The following VPS13B variants were observed in gnomAD, a reference collection of about 807,000 sequenced individuals.
VPS13B encodes the protein intermembrane lipid transfer protein VPS13B.
A neutral mutation model predicts 426.4 loss-of-function variants in VPS13B; 285 were observed. That is an observed-to-expected ratio of 0.67 (90% CI 0.61 to 0.74). The LOEUF is 0.74. Among genes scored for constraint, VPS13B ranks in the 30% least tolerant of loss-of-function variants. VPS13B has a pLI of 0.00. For missense variants in VPS13B, 4,537 were observed against 4,782.6 expected (o/e 0.95, Z 1.51); for synonymous variants, 1,676 against 1,676.4 (o/e 1.00, Z 0.01).
chr8:99,091,406 C>T (rs1169205970), intron 3 of VPS13B, among the ~76,000 whole-genome samples: 4 of 152,000 alleles, frequency 2.6e-5, no homozygotes, highest in Admixed American at 1.3e-4. Context: ...TTTCTTTTTC[C>T]TTTTTCCAGC....
chr8:99,181,470 C>T (rs1038491116), intron 16 of VPS13B, among the ~76,000 whole-genome samples: 1 of 152,148 alleles, frequency 6.6e-6, no homozygotes, highest in African/African-American at 2.4e-5. Context: ...TAGGCTCTGC[C>T]ACTTCCTAGC....
At chr8:99,122,876 G>A (rs1848011335) in intron 8 of VPS13B, among the ~76,000 whole-genome samples, 1 of 152,104 alleles carries the variant, frequency 6.6e-6, no homozygotes, top group African/African-American at 2.4e-5. Flanking sequence ...ATTTTGGGAG[G>A]CCGAGGCGGC....
At chr8:99,594,442 T>A (rs185645083) in intron 33 of VPS13B, among the ~76,000 whole-genome samples, 1 of 152,136 alleles carries the variant, frequency 6.6e-6, no homozygotes, top group African/African-American at 2.4e-5. Context: ...AAGAACTCAA[T>A]AAAAGCCATC....
intron 22 of VPS13B, among the ~76,000 whole-genome samples, chr8:99,434,746 C>T (rs1817286271): frequency 2.0e-5 from 3 of 152,126 alleles, no homozygotes; most frequent in Admixed American, 2.0e-4. Context: ...GAAAGTATGG[C>T]TTGTCGTTCT....
At chr8:99,808,916 C>T (rs1813552437) in intron 43 of VPS13B, among the ~76,000 whole-genome samples, 1 of 151,686 alleles carries the variant, frequency 6.6e-6, no homozygotes, top group South Asian at 2.1e-4. Context: ...CTTCAAACTG[C>T]TATTTTGTTC....
intron 39 of VPS13B, among the ~76,000 whole-genome samples, chr8:99,734,365 T>A (rs1388020206): frequency 6.6e-6 from 1 of 152,196 alleles, no homozygotes; most frequent in Non-Finnish European, 1.5e-5. Flanking sequence ...GACCAAAAGA[T>A]GATGATGATG....
At position 99,689,338 on chromosome 8, in the gene VPS13B, A is replaced by G. The variant is rs151131383; in HGVS notation, c.6047-10187A>G. Among the ~76,000 whole-genome samples, 224 of 152,352 alleles carry G rather than the reference A, an allele frequency of 1.5e-3. 6 individuals are homozygous for G. Among genetic ancestry groups the G allele is most frequent in the African/African-American group, 5.1e-3 (214 of 41,584 alleles). ...AGAATATTAAAATATAGGACAGTCC[A>G]GGAGCTCACAGCTCACTGAACTATG... On this transcript the variant is annotated intron_variant, in intron 35 of 61. Transcript: ENST00000357162.
At chr8:99,427,701 G>C (rs1456024920) in intron 21 of VPS13B, among the ~76,000 whole-genome samples, 1 of 151,656 alleles carries the variant, frequency 6.6e-6, no homozygotes, top group African/African-American at 2.4e-5. Context: ...CGTGAAAATG[G>C]CCATACTGCC....
intron 19 of VPS13B, among the ~76,000 whole-genome samples, chr8:99,309,659 A>T (rs958547836): frequency 1.5e-4 from 23 of 152,178 alleles, no homozygotes; most frequent in African/African-American, 5.5e-4. Context: ...CGTCTTGGCA[A>T]TGCGGGCCCT....
chr8:99,339,603 C>T lies in VPS13B; in HGVS notation c.2825-44605C>T, dbSNP rs527269169. On this transcript the variant is annotated intron_variant, in intron 19 of 61. Coordinates refer to ENST00000357162, the MANE Select transcript of VPS13B (RefSeq NM_152564.5). ...TTGGTGGAGACACAGATCCAAACCACGTCAGTTTTTTTTTTTTTCCAGTTT... is the reference window on the plus strand; with the variant it reads ...TTGGTGGAGACACAGATCCAAACCATGTCAGTTTTTTTTTTTTTCCAGTTT... 3.3e-5 allele frequency among the ~76,000 whole-genome samples: 5 copies of T among 150,896 alleles called. No individual in the cohort carries two copies. The East Asian group carries it at 5.8e-4, about 18-fold the overall frequency.
At chr8:99,716,533 A>G (rs1832929944) in intron 36 of VPS13B, among the ~76,000 whole-genome samples, 1 of 152,202 alleles carries the variant, frequency 6.6e-6, no homozygotes, top group South Asian at 2.1e-4. Flanking sequence ...AGTTCAAAAG[A>G]AAGCCTACAT....
At chr8:99,812,052 A>G (rs2130793530) in intron 44 of VPS13B, among the ~76,000 whole-genome samples, 1 of 152,332 alleles carries the variant, frequency 6.6e-6, no homozygotes, top group East Asian at 1.9e-4. Flanking sequence ...ATTAATATAT[A>G]CAGTGTTCCT....
At chr8:99,609,105 C>T (rs533963280) in intron 33 of VPS13B, among the ~76,000 whole-genome samples, 2 of 152,172 alleles carry the variant, frequency 1.3e-5, no homozygotes, top group Middle Eastern at 3.4e-3. Flanking sequence ...AAAGTGAAAT[C>T]GGAAACCATG....
chr8:99,316,362 G>C (rs1004923895), intron 19 of VPS13B, among the ~76,000 whole-genome samples: 2 of 152,200 alleles, frequency 1.3e-5, no homozygotes, highest in South Asian at 4.1e-4. Context: ...TTTGGCCCCA[G>C]GTTATGATGC....
intron 39 of VPS13B, among the ~76,000 whole-genome samples, chr8:99,756,817 A>T (rs1038165949): frequency 2.6e-5 from 4 of 152,242 alleles, no homozygotes; most frequent in African/African-American, 9.6e-5. Context: ...CTTTAAAGAA[A>T]GTGGAACTGG....
In VPS13B at chr8:99,282,985, G is replaced by A. The variant is rs901885453; in HGVS notation, c.2824+7731G>A. Reference sequence around the variant, plus strand: ...CTGTAAATTAACTGTTACATTGGGAGGTAGTTCTTTGTCTTGATTAAAACA... The same window carrying A: ...CTGTAAATTAACTGTTACATTGGGAAGTAGTTCTTTGTCTTGATTAAAACA... On this transcript the variant is annotated intron_variant, in intron 19 of 61. Transcript: ENST00000357162. 2.6e-5 allele frequency among the ~76,000 whole-genome samples: 4 copies of A among 152,056 alleles called. No homozygotes were observed. The South Asian group carries it at 6.2e-4, about 24-fold the overall frequency.
chr8:99,720,892 G>C lies in VPS13B; in HGVS notation c.6895G>C (p.Val2299Leu). 6.2e-7 allele frequency: 1 copy of C among 1,613,778 alleles called. No individual in the cohort carries two copies. The highest frequency in any genetic ancestry group is 8.5e-7 in the Non-Finnish European group (1 of 1,179,886). The change falls in exon 39 of 62, where the codon GTC becomes CTC. Residue 2299 changes from valine to leucine, a missense_variant. By Grantham distance (32) the Val-to-Leu change is conservative (BLOSUM62 1). Around this residue, in one of 2 missense-constraint regions of VPS13B, gnomAD observed 4,311 missense variants for 4,474.3 expected, o/e 0.96. Transcript: ENST00000357162. ...ESLKLPGVYE[V>L]LFYNETEDCP... ...TTTGAAATTGCCTGGGGTCTATGAA[G>C]TCTTATTTTATAATGAAACTGAAGA...
intron 5 of VPS13B, among the ~76,000 whole-genome samples, chr8:99,108,718 C>T (rs1466355905): frequency 6.6e-6 from 1 of 152,022 alleles, no homozygotes; most frequent in Non-Finnish European, 1.5e-5. Flanking sequence ...TATGATGCCT[C>T]TAGCTGTGTT....
chr8:99,573,700 T>A (rs903935639), intron 31 of VPS13B, among the ~76,000 whole-genome samples: 1 of 152,242 alleles, frequency 6.6e-6, no homozygotes, highest in African/African-American at 2.4e-5. Context: ...TTGGTTACTA[T>A]AGCCTTGTAG....
Sources: gnomAD v4.1 joint callset for allele counts (sites outside exome capture counted in the v4.1 genomes callset) on GRCh38, gnomAD v4.1.1 for gene constraint, gnomAD v4.1.1 regional missense constraint, MANE v1.5 for transcripts, NCBI Gene and HGNC (gene_info 2026-07-23, HGNC 2026-07-21) for gene names.